Variants in TRDN observed in about 807,000 individuals in gnomAD.
The protein encoded by TRDN is triadin in skeletal muscle.
In TRDN, 161 loss-of-function variants were observed where a neutral mutation model predicts 149.7. The observed-to-expected ratio is 1.08, with a 90% confidence interval of 0.95 to 1.23. TRDN has a LOEUF of 1.23. Ranked by LOEUF, TRDN falls within the 50% of genes most tolerant of loss-of-function variation. TRDN has a pLI of 0.00. For synonymous variants in TRDN, 294 were observed against 250.5 expected, an observed-to-expected ratio of 1.17 and a Z score of -1.64; for missense variants, 896 against 823.5, an observed-to-expected ratio of 1.09 and a Z score of -1.08.
chr6:123,571,334 C>T (rs754811983), intron 1 of TRDN, among the ~76,000 whole-genome samples: 3 of 152,154 alleles, frequency 2.0e-5, no homozygotes, highest in Non-Finnish European at 2.9e-5. Context: ...AAAACTCGTG[C>T]GCTCATATAA....
intron 7 of TRDN, among the ~76,000 whole-genome samples, chr6:123,504,665 T>C (rs987959213): frequency 1.3e-5 from 2 of 152,052 alleles, no homozygotes; most frequent in African/African-American, 4.8e-5. Context: ...AGAACATATA[T>C]ATATTACACA....
intron 4 of TRDN, among the ~76,000 whole-genome samples, chr6:123,545,615 G>C (rs563873391): frequency 1.1e-3 from 169 of 151,912 alleles, no homozygotes; most frequent in African/African-American, 3.9e-3. Context: ...GTGATTTAAA[G>C]TCAATTCTCC....
intron 24 of TRDN, among the ~76,000 whole-genome samples, chr6:123,295,924 C>A (rs1428304939): frequency 6.6e-6 from 1 of 151,614 alleles, no homozygotes; most frequent in Non-Finnish European, 1.5e-5. Context: ...GAGATGGCGC[C>A]ACTGCATTCC....
At chr6:123,478,151 T>C (rs1312152474) in intron 9 of TRDN, among the ~76,000 whole-genome samples, 1 of 152,120 alleles carries the variant, frequency 6.6e-6, no homozygotes. Flanking sequence ...TTTAATCAAC[T>C]ATTTGGACAG....
chr6:123,304,785 G>A (rs77642608), intron 24 of TRDN, among the ~76,000 whole-genome samples: 3,492 of 152,082 alleles, frequency 0.023, 144 homozygotes, highest in African/African-American at 0.08. Context: ...TGCTAATAGA[G>A]ATCAAGCTGA....
chr6:123,378,325 G>A (rs1163551640), intron 16 of TRDN, among the ~76,000 whole-genome samples: 1 of 152,152 alleles, frequency 6.6e-6, no homozygotes, highest in Non-Finnish European at 1.5e-5. Context: ...TGTTGCCCAA[G>A]TTGTAGTGCA....
intron 12 of TRDN, among the ~76,000 whole-genome samples, chr6:123,420,899 C>A (rs2114541052): frequency 6.6e-6 from 1 of 152,236 alleles, no homozygotes; most frequent in South Asian, 2.1e-4. Context: ...TTGGGTTCCC[C>A]AAAATATTGT....
Position 123,375,550 on chromosome 6 carries a change from T to A in TRDN, c.1273+55A>T, listed in dbSNP as rs1582936639. On this transcript the variant is annotated intron_variant, in intron 19 of 40. Coordinates refer to ENST00000334268, the MANE Select transcript of TRDN (RefSeq NM_006073.4). ...ATTAGCATAGTCTATAGCAGAAAAT[T>A]CAAATGAGTAAGCTGCCCAAATATG... 8 of 1,462,660 alleles carry A rather than the reference T, an allele frequency of 5.5e-6. No individual in the cohort carries two copies. In the East Asian group the frequency reaches 2.1e-4, roughly 38 times the overall value. 90.6% of individuals were successfully genotyped at this position (1,462,660 alleles called of 1,614,324 possible). A position where few individuals can be genotyped will look rare whatever the true frequency, so the allele number is the denominator to read the frequency against.
rs1047917035 is a variant in TRDN, at chr6:123,576,453, G to T, written c.23-5321C>A. On this transcript the variant is annotated intron_variant, in intron 1 of 40. Transcript: ENST00000334268. ...GTCTGCTGAGGTTGACATATGTATGGTTTTTCTTTTTTAATTTATTTTTAT... is the reference window on the plus strand; with the variant it reads ...GTCTGCTGAGGTTGACATATGTATGTTTTTTCTTTTTTAATTTATTTTTAT... Among the ~76,000 whole-genome samples, 15 of 142,550 alleles carry T rather than the reference G, an allele frequency of 1.1e-4. No individual in the cohort carries two copies. The Admixed American group carries it at 1.1e-3, about 10-fold the overall frequency. The allele number at this position is 142,550 out of a possible 152,430, so 93.5% of individuals were successfully genotyped here.
At chr6:123,429,844 AC>A (rs1409021117) in intron 12 of TRDN, among the ~76,000 whole-genome samples, 1 of 152,198 alleles carries the variant, frequency 6.6e-6, no homozygotes, top group African/African-American at 2.4e-5. Flanking sequence ...AATTTATCTA[AC>A]GTGTGCAAGA....
chr6:123,378,768 A>G (rs566979766), intron 16 of TRDN, among the ~76,000 whole-genome samples: 8 of 152,310 alleles, frequency 5.3e-5, no homozygotes, highest in African/African-American at 1.7e-4. Context: ...CTAAAATAGA[A>G]AAAGAAGTTT....
In TRDN at chr6:123,529,118, C is replaced by T. The variant is rs1780090723; in HGVS notation, c.484+1388G>A. On this transcript the variant is annotated intron_variant, in intron 5 of 40. Coordinates refer to ENST00000334268, the MANE Select transcript of TRDN (RefSeq NM_006073.4). The stretch of plus-strand genomic sequence containing the variant: ...AATGGTGCCATCTACATTACTACCG[C>T]CACTCCAGCAGCACTGTTATTAAAT... 1.0e-5 allele frequency: 15 copies of T among 1,494,768 alleles called. No individual in the cohort carries two copies. In the South Asian group the frequency reaches 1.9e-4, roughly 19 times the overall value. The allele number at this position is 1,494,768 out of a possible 1,614,324, so 92.6% of individuals were successfully genotyped here.
chr6:123,430,145 C>T (rs773297412), intron 12 of TRDN, among the ~76,000 whole-genome samples: 1 of 151,890 alleles, frequency 6.6e-6, no homozygotes, highest in Non-Finnish European at 1.5e-5. Context: ...TGGCACGTGC[C>T]CATGGTCCCA....
At chr6:123,468,045 C>A (rs1199223964) in intron 9 of TRDN, among the ~76,000 whole-genome samples, 1 of 152,066 alleles carries the variant, frequency 6.6e-6, no homozygotes, top group Non-Finnish European at 1.5e-5. Flanking sequence ...CAGTGCATGG[C>A]AGATACTCAA....
At chr6:123,522,699 TA>T (rs1455912696) in intron 5 of TRDN, among the ~76,000 whole-genome samples, 1 of 152,094 alleles carries the variant, frequency 6.6e-6, no homozygotes, top group Non-Finnish European at 1.5e-5. Context: ...GTGGCTTAAT[TA>T]AAGCTAAATG....
intron 2 of TRDN, among the ~76,000 whole-genome samples, chr6:123,564,655 A>C (rs1782189109): frequency 6.6e-6 from 1 of 152,224 alleles, no homozygotes; most frequent in South Asian, 2.1e-4. Flanking sequence ...ACTTTTCATA[A>C]GAAATTGATG....
chr6:123,362,293 T>C (rs1269952425), intron 20 of TRDN, among the ~76,000 whole-genome samples: 1 of 152,146 alleles, frequency 6.6e-6, no homozygotes, highest in Non-Finnish European at 1.5e-5. Context: ...ATCTTTCTAA[T>C]CTGCCTATTT....
chr6:123,634,340 C>T (rs1182139504), intron 1 of TRDN, among the ~76,000 whole-genome samples: 1 of 151,790 alleles, frequency 6.6e-6, no homozygotes, highest in Non-Finnish European at 1.5e-5. Context: ...ACTTCTGATG[C>T]TGAGGTAGAA....
chr6:123,371,575 T>C (rs1232909890), intron 19 of TRDN, among the ~76,000 whole-genome samples: 1 of 152,138 alleles, frequency 6.6e-6, no homozygotes, highest in African/African-American at 2.4e-5. Context: ...TTATTTCTGG[T>C]TTCCCATTTG....
Sources: gnomAD v4.1 joint callset for allele counts (sites outside exome capture counted in the v4.1 genomes callset) on GRCh38, gnomAD v4.1.1 for gene constraint, MANE v1.5 for transcripts, NCBI Gene and HGNC (gene_info 2026-07-23, HGNC 2026-07-21) for gene names.